TBC1D5: variants seen among roughly 807,000 people sequenced by gnomAD.
The protein encoded by TBC1D5 is TBC1 domain family, member 5.
A neutral mutation model predicts 100.3 loss-of-function variants in TBC1D5; 75 were observed. The ratio of observed to expected loss-of-function variants is 0.75; its 90% CI spans 0.62 to 0.91. The LOEUF (loss-of-function observed/expected upper bound fraction) is 0.91. Ranked by LOEUF, TBC1D5 falls within the 40% of genes least tolerant of loss-of-function variation. TBC1D5 has a pLI of 0.00. For missense variants in TBC1D5, 910 were observed against 942.4 expected, an observed-to-expected ratio of 0.97 and a Z score of 0.45; for synonymous variants, 323 against 325.6, an observed-to-expected ratio of 0.99 and a Z score of 0.09.
chr3:17,265,559 T>C lies in TBC1D5; in HGVS notation c.1246-6968A>G, dbSNP rs150710946. Among the ~76,000 whole-genome samples, 131 of 152,158 alleles carry C rather than the reference T, an allele frequency of 8.6e-4. 2 individuals carry two copies. The South Asian group carries it at 0.013, about 15-fold the overall frequency. On this transcript the variant is annotated intron_variant, in intron 15 of 21. Transcript: ENST00000253692. ...GGGAAAGCAACCGTCATTAGAAAAA[T>C]GAATTGCTCAGCTGTTTATAAGCAA...
chr3:17,417,513 G>C (rs2094112242), intron 4 of TBC1D5, among the ~76,000 whole-genome samples: 1 of 152,070 alleles, frequency 6.6e-6, no homozygotes, highest in African/African-American at 2.4e-5. Context: ...CCCTACAAAG[G>C]ACATGAACTC....
At chr3:17,727,697 C>T (rs182145525) in intron 1 of TBC1D5, among the ~76,000 whole-genome samples, 18 of 152,228 alleles carry the variant, frequency 1.2e-4, no homozygotes, top group Admixed American at 1.2e-3. Flanking sequence ...CAAAGGAATA[C>T]TCCACAAAAA....
chr3:17,272,049 T>C (rs1289554893), intron 15 of TBC1D5, among the ~76,000 whole-genome samples: 1 of 152,028 alleles, frequency 6.6e-6, no homozygotes, highest in Non-Finnish European at 1.5e-5. Context: ...ATCTGAAGGA[T>C]GAATAGGCAT....
At chr3:17,408,603 G>A (rs1423015880) in intron 4 of TBC1D5, among the ~76,000 whole-genome samples, 1 of 152,126 alleles carries the variant, frequency 6.6e-6, no homozygotes, top group Non-Finnish European at 1.5e-5. Flanking sequence ...TTAAAGGTAT[G>A]AGACAGTGTG....
intron 4 of TBC1D5, among the ~76,000 whole-genome samples, chr3:17,412,764 GA>G (rs1188559200): frequency 6.6e-6 from 1 of 151,968 alleles, no homozygotes; most frequent in African/African-American, 2.4e-5. Flanking sequence ...GTAAGGTTCA[GA>G]AAAATTGAAT....
chr3:17,225,397 T>C (rs1302305525), intron 17 of TBC1D5, among the ~76,000 whole-genome samples: 1 of 136,402 alleles, frequency 7.3e-6, no homozygotes, highest in African/African-American at 2.9e-5. Context: ...TGGGAGTGCA[T>C]CACTGCACTC....
intron 13 of TBC1D5, among the ~76,000 whole-genome samples, chr3:17,345,306 G>A (rs1055055018): frequency 1.3e-5 from 2 of 152,220 alleles, no homozygotes; most frequent in African/African-American, 2.4e-5. Context: ...GCAGCCAAAA[G>A]ACACATGAAA....
chr3:17,406,730 T>A, intron 4 of TBC1D5: 1 of 515,886 alleles, frequency 1.9e-6, no homozygotes, highest in Non-Finnish European at 3.4e-6. Context: ...TAGATAGCTA[T>A]AATTACGCCA....
At chr3:17,204,816 C>G (rs1457626463) in intron 18 of TBC1D5, among the ~76,000 whole-genome samples, 1 of 152,046 alleles carries the variant, frequency 6.6e-6, no homozygotes, top group African/African-American at 2.4e-5. Context: ...ATTAAAATGT[C>G]ATGCTAAAAC....
intron 15 of TBC1D5, among the ~76,000 whole-genome samples, chr3:17,262,367 A>G (rs1374699668): frequency 6.6e-6 from 1 of 151,978 alleles, no homozygotes; most frequent in Admixed American, 6.5e-5. Context: ...GACCACTATC[A>G]TATGTGTGGT....
intron 2 of TBC1D5, among the ~76,000 whole-genome samples, chr3:17,577,725 C>T (rs2096666338): frequency 6.6e-6 from 1 of 151,764 alleles, no homozygotes; most frequent in South Asian, 2.1e-4. Flanking sequence ...TTACTTTTTG[C>T]TTATTTATTA....
chr3:17,274,228 G>C (rs1427456977), intron 15 of TBC1D5, among the ~76,000 whole-genome samples: 1 of 152,164 alleles, frequency 6.6e-6, no homozygotes, highest in African/African-American at 2.4e-5. Flanking sequence ...TTACCTCTAA[G>C]ATACTGAAAT....
chr3:17,589,789 C>A (rs2096754877), intron 2 of TBC1D5, among the ~76,000 whole-genome samples: 1 of 152,074 alleles, frequency 6.6e-6, no homozygotes, highest in East Asian at 1.9e-4. Context: ...CCATTCTAAA[C>A]CTTTGTAAGC....
At chr3:17,409,220 A>G (rs1008460809) in intron 4 of TBC1D5, among the ~76,000 whole-genome samples, 1 of 152,294 alleles carries the variant, frequency 6.6e-6, no homozygotes, top group Non-Finnish European at 1.5e-5. Flanking sequence ...AATCTTCACA[A>G]TATTTCCAAC....
chr3:17,295,753 C>T (rs886537660), intron 14 of TBC1D5, among the ~76,000 whole-genome samples: 108 of 152,274 alleles, frequency 7.1e-4, no homozygotes, highest in Middle Eastern at 3.4e-3. Context: ...CCACAAAACA[C>T]GAAACTCTAT....
At chr3:17,418,027 G>C (rs188024083) in intron 4 of TBC1D5, among the ~76,000 whole-genome samples, 1 of 152,082 alleles carries the variant, frequency 6.6e-6, no homozygotes, top group Non-Finnish European at 1.5e-5. Context: ...AACGCCTTGA[G>C]ATTATGTCAA....
In TBC1D5 at chr3:17,685,627, T is replaced by C. The variant is rs531244181; in HGVS notation, c.-101+53716A>G. 1.1e-4 allele frequency among the ~76,000 whole-genome samples: 16 copies of C among 152,196 alleles called. No individual in the cohort carries two copies. In the Middle Eastern group the frequency reaches 0.01, roughly 97 times the overall value. ...ACTATTGGTAAAATCCTCATCTCAA[T>C]ACATATGAACACATTTTCAATGTTT... On this transcript the variant is annotated intron_variant, in intron 1 of 21. Coordinates refer to ENST00000253692, the Ensembl canonical transcript of TBC1D5.
At chr3:17,581,617 T>C (rs189900932) in intron 2 of TBC1D5, among the ~76,000 whole-genome samples, 2 of 152,294 alleles carry the variant, frequency 1.3e-5, no homozygotes, top group Non-Finnish European at 2.9e-5. Flanking sequence ...TCAAATCCAA[T>C]CCATTAGCAA....
At chr3:17,254,766 TG>T (rs139693043) in intron 16 of TBC1D5, among the ~76,000 whole-genome samples, 904 of 73,178 alleles carry the variant, frequency 0.012, 17 homozygotes, top group South Asian at 0.049. Flanking sequence ...GTGGCGGGGG[TG>T]GGGGGGGGGT....
Sources: gnomAD v4.1 joint callset for allele counts (sites outside exome capture counted in the v4.1 genomes callset) on GRCh38, gnomAD v4.1.1 for gene constraint, MANE v1.5 for transcripts, NCBI Gene and HGNC (gene_info 2026-07-23, HGNC 2026-07-21) for gene names.